The following GOT2 variants were observed in gnomAD, a reference collection of about 807,000 sequenced individuals.
GOT2 encodes the protein aspartate aminotransferase, mitochondrial.
A neutral mutation model predicts 50.0 loss-of-function variants in GOT2; 17 were observed. The ratio of observed to expected loss-of-function variants is 0.34; its 90% CI spans 0.23 to 0.51. The LOEUF (loss-of-function observed/expected upper bound fraction) is 0.51, where lower values mean the gene tolerates loss of function less well. Ranked by LOEUF, GOT2 falls within the 20% of genes least tolerant of loss-of-function variation. The probability of loss-of-function intolerance (pLI) is 0.97; values close to 1 mark genes in which losing one functional copy is unlikely to be tolerated. For missense variants in GOT2, 430 were observed against 559.6 expected (o/e 0.77, Z 2.34); for synonymous variants, 172 against 204.9 (o/e 0.84, Z 1.37).
At chr16:58,727,069 G>A (rs1169693911) in intron 1 of GOT2, among the ~76,000 whole-genome samples, 5 of 152,006 alleles carry the variant, frequency 3.3e-5, no homozygotes, top group African/African-American at 1.2e-4. Flanking sequence ...CATGAGAATC[G>A]CTTGAACCCA....
chr16:58,715,033 G>C (rs1196270933), intron 8 of GOT2, among the ~76,000 whole-genome samples: 3 of 151,896 alleles, frequency 2.0e-5, no homozygotes, highest in African/African-American at 2.4e-5. Flanking sequence ...CAGATGTTGA[G>C]AGTCAGATAG....
intron 8 of GOT2, among the ~76,000 whole-genome samples, chr16:58,715,341 G>A (rs1054291749): frequency 9.2e-5 from 14 of 152,138 alleles, no homozygotes; most frequent in East Asian, 1.9e-4. Context: ...CGGAGATGAC[G>A]GAATAAAAGG....
At chr16:58,723,674 T>C (rs2044758179) in intron 2 of GOT2, 72 bp downstream of exon 2, 3 of 1,269,200 alleles carry the variant, frequency 2.4e-6, no homozygotes, top group Non-Finnish European at 3.4e-6. Context: ...GGTCCAGCAC[T>C]ATTCCTGCCA....
chr16:58,725,963 G>C (rs1334132215), intron 1 of GOT2, among the ~76,000 whole-genome samples: 1 of 152,124 alleles, frequency 6.6e-6, no homozygotes, highest in East Asian at 1.9e-4. Flanking sequence ...AAACCCCAAA[G>C]AGCTTTTATT....
At chr16:58,718,361 A>G in intron 5 of GOT2, 61 bp from the exon 6 acceptor site, 1 of 1,426,302 alleles carries the variant, frequency 7.0e-7, no homozygotes, top group Non-Finnish European at 9.9e-7. Flanking sequence ...TTTATCTGAA[A>G]TGCCACAGGA....
chr16:58,711,369 C>A (rs2044646596), intron 8 of GOT2, among the ~76,000 whole-genome samples: 1 of 152,190 alleles, frequency 6.6e-6, no homozygotes, highest in Non-Finnish European at 1.5e-5. Flanking sequence ...ATACAACCTT[C>A]CCCTTCCTCA....
intron 8 of GOT2, 129 bp downstream of exon 8, chr16:58,715,885 C>T: frequency 1.4e-6 from 1 of 721,374 alleles, no homozygotes. Context: ...ACATTTTTTG[C>T]TTCCTTCCCT....
At chr16:58,714,719 AAAAAC>A (rs1439276522) in intron 8 of GOT2, among the ~76,000 whole-genome samples, 2 of 152,118 alleles carry the variant, frequency 1.3e-5, no homozygotes, top group African/African-American at 4.8e-5. Flanking sequence ...AAAAAAAACA[AAAAAC>A]AAAACAAAAC....
At chr16:58,721,251 C>T (rs1294581913) in intron 3 of GOT2, among the ~76,000 whole-genome samples, 6 of 152,168 alleles carry the variant, frequency 3.9e-5, no homozygotes, top group Non-Finnish European at 8.8e-5. Context: ...TTTCTTCACT[C>T]CCCAGGCTTA....
At chr16:58,732,130 ACT>A (rs2044839204) in intron 1 of GOT2, among the ~76,000 whole-genome samples, 1 of 152,092 alleles carries the variant, frequency 6.6e-6, no homozygotes, top group Admixed American at 6.6e-5. Flanking sequence ...ACACAGGGAG[ACT>A]CTGTCTCTAC....
chr16:58,723,170 G>A (rs1031474453), intron 2 of GOT2, among the ~76,000 whole-genome samples: 1 of 152,212 alleles, frequency 6.6e-6, no homozygotes, highest in Non-Finnish European at 1.5e-5. Flanking sequence ...TGGTAGTGAT[G>A]CAGGTTGCAG....
rs184750090 is a variant in GOT2, at chr16:58,722,464, G to A, written c.247-186C>T. Among the ~76,000 whole-genome samples, 46 of 151,070 alleles carry A rather than the reference G, an allele frequency of 3.0e-4. No homozygotes were observed. In the East Asian group the frequency reaches 8.2e-3, roughly 27 times the overall value. The stretch of plus-strand genomic sequence containing the variant: ...CGGCTCACTGCAACCTCCACCTCCC[G>A]GGTTCAAGTGATTGTCTTGCTTCAG... On this transcript the variant is annotated intron_variant, in intron 2 of 9. Coordinates refer to ENST00000245206, the MANE Select transcript of GOT2 (RefSeq NM_002080.4).
chr16:58,728,830 G>A (rs1030450843), intron 1 of GOT2, among the ~76,000 whole-genome samples: 7 of 152,008 alleles, frequency 4.6e-5, no homozygotes, highest in Admixed American at 6.6e-5. Context: ...ATAGGCACCC[G>A]CCACCACGCC....
intron 6 of GOT2, 113 bp from the exon 7 acceptor site, chr16:58,716,926 T>C (rs1014701751): frequency 2.2e-6 from 2 of 923,082 alleles, no homozygotes; most frequent in African/African-American, 1.7e-5. Context: ...ATAAGCACAA[T>C]AAGCCTTTTC....
chr16:58,726,119 C>T (rs2044781383), intron 1 of GOT2, among the ~76,000 whole-genome samples: 2 of 152,314 alleles, frequency 1.3e-5, no homozygotes, highest in Admixed American at 1.3e-4. Flanking sequence ...GGAGAACTAC[C>T]ATCCTAAAAG....
chr16:58,726,561 C>T (rs932606770), intron 1 of GOT2, among the ~76,000 whole-genome samples: 1 of 151,376 alleles, frequency 6.6e-6, no homozygotes, highest in Non-Finnish European at 1.5e-5. Context: ...GTGGCACGAT[C>T]GTGGCTCACT....
At chr16:58,720,769 G>GT (rs200330647) in intron 3 of GOT2, among the ~76,000 whole-genome samples, 7 of 151,864 alleles carry the variant, frequency 4.6e-5, no homozygotes, top group African/African-American at 1.7e-4. Context: ...AGTAGAGACG[G>GT]GGGGGCGGGT....
chr16:58,732,329 T>G (rs965947922), intron 1 of GOT2, among the ~76,000 whole-genome samples: 1 of 152,178 alleles, frequency 6.6e-6, no homozygotes, highest in African/African-American at 2.4e-5. Flanking sequence ...AGGGAATTTT[T>G]TTTGGTACAT....
chr16:58,708,127 G>GC lies in GOT2; in HGVS notation c.*43dup. On this transcript the variant is annotated 3_prime_UTR_variant, in exon 10 of 10. Transcript: ENST00000245206. ...CTGTGTGAAGCTCTCAATAGCAGAGGCTGAAGACAGAAAGGTTGTCTCTGT... is the reference window on the plus strand; with the variant it reads ...CTGTGTGAAGCTCTCAATAGCAGAGGCCTGAAGACAGAAAGGTTGTCTCTGT... 6.3e-7 allele frequency: 1 copy of GC among 1,599,354 alleles called. No homozygotes were observed. Among genetic ancestry groups the GC allele is most frequent in the Non-Finnish European group, 8.5e-7 (1 of 1,171,050 alleles).
Sources: allele counts gnomAD v4.1 joint callset (sites outside exome capture counted in the v4.1 genomes callset), GRCh38; gene constraint gnomAD v4.1.1; transcripts MANE v1.5; gene names NCBI Gene and HGNC (gene_info 2026-07-23, HGNC 2026-07-21).